The following MECOM variants were observed in gnomAD, a reference collection of about 807,000 sequenced individuals.
MECOM encodes the protein histone-lysine N-methyltransferase MECOM.
MECOM carries 13 observed loss-of-function variants against 116.3 expected under a neutral mutation model. The observed-to-expected ratio is 0.11, with a 90% CI of 0.07 to 0.18. The LOEUF (loss-of-function observed/expected upper bound fraction) is 0.18. Ranked by LOEUF, MECOM falls within the 10% of genes least tolerant of loss-of-function variation. MECOM has a pLI of 1.00. For synonymous variants in MECOM, 528 were observed against 535.2 expected (o/e 0.99, Z 0.19); for missense variants, 1,299 against 1,509.0 (o/e 0.86, Z 2.31).
rs1461365801 is a variant in MECOM, at chr3:169,663,442, G to T, written c.-70C>A. The T allele has an allele frequency of 4.8e-6, 7 of 1,447,230 alleles. No homozygotes were observed. Among genetic ancestry groups the T allele is most frequent in the Admixed American group, 4.1e-5 (2 of 48,566 alleles). The allele number at this position is 1,447,230 out of a possible 1,614,324, so 89.6% of individuals were successfully genotyped here. A position where few individuals can be genotyped will look rare whatever the true frequency, so the allele number is the denominator to read the frequency against. ...TTTTCTTGGATCCTTTCCTTCTTTTGCTCTCCCTCTCGCTCCCTCCCTCTC... is the reference window on the plus strand; with the variant it reads ...TTTTCTTGGATCCTTTCCTTCTTTTTCTCTCCCTCTCGCTCCCTCCCTCTC... On this transcript the variant is annotated 5_prime_UTR_variant, in exon 1 of 17. Coordinates refer to ENST00000651503, the MANE Select transcript of MECOM (RefSeq NM_004991.4).
rs144088789 is a variant in MECOM at position 169,587,770 on chromosome 3, C to T, written c.37+75566G>A. On this transcript the variant is annotated intron_variant, in intron 1 of 16. Transcript: ENST00000651503. ...CATTGTACACTGTCATAGCCTAATG[C>T]TTCATGGAACAAAGAGTTTCCAGTT... Among the ~76,000 whole-genome samples the T allele has an allele frequency of 1.1e-4, 16 of 152,156 alleles. No individual in the cohort carries two copies. In the East Asian group the frequency reaches 3.1e-3, roughly 29 times the overall value.
At chr3:169,339,882 C>T (rs531052808) in intron 2 of MECOM, among the ~76,000 whole-genome samples, 1 of 152,038 alleles carries the variant, frequency 6.6e-6, no homozygotes, top group Non-Finnish European at 1.5e-5. Flanking sequence ...TAAAGTGAGT[C>T]AAATATATGA....
chr3:169,306,852 CCTT>C (rs1717802937), intron 2 of MECOM, among the ~76,000 whole-genome samples: 2 of 152,186 alleles, frequency 1.3e-5, no homozygotes. Context: ...CAGTCTTCTG[CCTT>C]CTTCTCCTCC....
intron 2 of MECOM, among the ~76,000 whole-genome samples, chr3:169,378,466 CAA>C (rs58175040): frequency 0.02 from 886 of 44,828 alleles, 83 homozygotes; most frequent in Middle Eastern, 0.043. Context: ...AGCAAGCAAG[CAA>C]GCAAGCAAGA....
intron 2 of MECOM, chr3:169,146,155 G>C (rs2149304860): frequency 1.0e-6 from 1 of 962,768 alleles, no homozygotes; most frequent in East Asian, 4.7e-5. Context: ...AAAAAAAACC[G>C]TTTAGGTAGA....
rs557161481 is a variant in MECOM, at chr3:169,517,623, A to G, written c.38-136099T>C. 4.1e-5 allele frequency among the ~76,000 whole-genome samples: 6 copies of G among 146,656 alleles called. No individual in the cohort carries two copies. The East Asian group carries it at 9.9e-4, about 24-fold the overall frequency. ...CTAAAGTTTTTCGATAATCTTATGC[A>G]AAAAAAACCTCTAGAATGACTGCTA... is the stretch of plus-strand genomic sequence containing the variant. On this transcript the variant is annotated intron_variant, in intron 1 of 16. Transcript: ENST00000651503.
intron 2 of MECOM, among the ~76,000 whole-genome samples, chr3:169,203,722 C>A (rs554024255): frequency 3.3e-5 from 5 of 152,076 alleles, no homozygotes; most frequent in Admixed American, 1.3e-4. Context: ...AAATATTTTT[C>A]TTAGGGAGAG....
intron 1 of MECOM, among the ~76,000 whole-genome samples, chr3:169,640,689 C>T (rs1028655311): frequency 4.6e-5 from 7 of 152,186 alleles, no homozygotes; most frequent in East Asian, 1.9e-4. Context: ...CTTATGAAGT[C>T]GGTGGTCTCA....
chr3:169,646,264 C>A (rs1310475889), intron 1 of MECOM, among the ~76,000 whole-genome samples: 1 of 136,070 alleles, frequency 7.3e-6, no homozygotes, highest in African/African-American at 2.8e-5. Flanking sequence ...ACAATGAGAA[C>A]ACTTGGACAC....
At chr3:169,216,257 C>T (rs1751408098) in intron 2 of MECOM, among the ~76,000 whole-genome samples, 2 of 152,162 alleles carry the variant, frequency 1.3e-5, no homozygotes, top group African/African-American at 2.4e-5. Context: ...TGGTTGCCAT[C>T]ATTTGATGTC....
At chr3:169,480,680 A>G (rs865775572) in intron 1 of MECOM, among the ~76,000 whole-genome samples, 46 of 152,222 alleles carry the variant, frequency 3.0e-4, no homozygotes, top group African/African-American at 1.1e-3. Context: ...CTGGTAACCA[A>G]TGAGGTGGGT....
At chr3:169,243,269 C>A (rs1755118552) in intron 2 of MECOM, among the ~76,000 whole-genome samples, 1 of 152,150 alleles carries the variant, frequency 6.6e-6, no homozygotes, top group African/African-American at 2.4e-5. Flanking sequence ...TTGTATGTGG[C>A]TTGCAGTCTT....
intron 1 of MECOM, among the ~76,000 whole-genome samples, chr3:169,569,104 G>T (rs1200253690): frequency 1.3e-5 from 2 of 151,798 alleles, no homozygotes; most frequent in East Asian, 3.9e-4. Context: ...CCCATCTCAT[G>T]TTCAAAGATA....
At chr3:169,291,893 A>G (rs1714631645) in intron 2 of MECOM, among the ~76,000 whole-genome samples, 1 of 152,198 alleles carries the variant, frequency 6.6e-6, no homozygotes, top group Non-Finnish European at 1.5e-5. Flanking sequence ...CATGTGAATA[A>G]TACCACAGGG....
At chr3:169,630,452 T>TAAAAAA (rs71166258) in intron 1 of MECOM, among the ~76,000 whole-genome samples, 1 of 131,322 alleles carries the variant, frequency 7.6e-6, no homozygotes. Flanking sequence ...AATTTATTCT[T>TAAAAAA]AAAAAAAAAA....
intron 2 of MECOM, among the ~76,000 whole-genome samples, chr3:169,380,515 G>A (rs145781224): frequency 2.0e-5 from 3 of 152,138 alleles, no homozygotes; most frequent in Admixed American, 2.0e-4. Flanking sequence ...ATTCTTAGAT[G>A]TTGCCAAATG....
intron 1 of MECOM, among the ~76,000 whole-genome samples, chr3:169,466,795 C>G (rs1000456276): frequency 6.6e-6 from 1 of 152,050 alleles, no homozygotes; most frequent in African/African-American, 2.4e-5. Flanking sequence ...TGCCTTCTAA[C>G]CTGGGTTTAA....
chr3:169,495,901 C>G (rs1024869289), intron 1 of MECOM, among the ~76,000 whole-genome samples: 3 of 152,086 alleles, frequency 2.0e-5, no homozygotes, highest in Non-Finnish European at 2.9e-5. Flanking sequence ...AGAGCTGTGT[C>G]ATAAGACTGA....
chr3:169,087,157 T>C (rs1372403804), intron 16 of MECOM, among the ~76,000 whole-genome samples: 9 of 152,202 alleles, frequency 5.9e-5, no homozygotes, highest in Non-Finnish European at 1.2e-4. Context: ...GGTACTAAAA[T>C]GTATTATAAT....
Sources: allele counts gnomAD v4.1 joint callset (sites outside exome capture counted in the v4.1 genomes callset), GRCh38; gene constraint gnomAD v4.1.1; transcripts MANE v1.5; gene names NCBI Gene and HGNC (gene_info 2026-07-23, HGNC 2026-07-21).